The following NEO1 variants were observed in gnomAD, a reference collection of about 807,000 sequenced individuals.
NEO1 encodes the protein neogenin 1.
NEO1 carries 63 observed loss-of-function variants against 159.7 expected under a neutral mutation model. The observed-to-expected ratio is 0.39, with a 90% confidence interval of 0.32 to 0.49. NEO1 has a LOEUF of 0.49. Among genes scored for constraint, NEO1 ranks in the 20% least tolerant of loss-of-function variants. NEO1 has a pLI of 0.85. For synonymous variants in NEO1, 633 were observed against 662.0 expected (o/e 0.96, Z 0.67); for missense variants, 1,615 against 1,831.0 (o/e 0.88, Z 2.15).
intron 5 of NEO1, among the ~76,000 whole-genome samples, chr15:73,147,962 C>T (rs915712657): frequency 1.1e-4 from 16 of 152,002 alleles, no homozygotes; most frequent in East Asian, 3.9e-4. Context: ...TACAGGCACC[C>T]GCCATCATGC....
At chr15:73,179,490 C>A (rs2035476433) in intron 7 of NEO1, among the ~76,000 whole-genome samples, 1 of 152,144 alleles carries the variant, frequency 6.6e-6, no homozygotes, top group Admixed American at 6.5e-5. Flanking sequence ...ACAAAACCAC[C>A]CAGTGGATCA....
intron 5 of NEO1, among the ~76,000 whole-genome samples, chr15:73,140,067 T>C (rs763811585): frequency 3.3e-5 from 5 of 152,238 alleles, no homozygotes; most frequent in African/African-American, 4.8e-5. Context: ...TGGTTGTCGT[T>C]ATTAGTCTTC....
intron 5 of NEO1, among the ~76,000 whole-genome samples, chr15:73,157,613 C>A (rs1226414313): frequency 5.9e-5 from 9 of 152,224 alleles, no homozygotes; most frequent in Admixed American, 5.9e-4. Context: ...CACGGGTTAC[C>A]TGTTTTCCTT....
chr15:73,269,170 A>G (rs748590193), intron 16 of NEO1, among the ~76,000 whole-genome samples: 3 of 152,192 alleles, frequency 2.0e-5, no homozygotes, highest in Non-Finnish European at 4.4e-5. Context: ...GTCAATACCC[A>G]TGGCTGACAT....
chr15:73,137,669 G>T (rs1485747658), intron 5 of NEO1, among the ~76,000 whole-genome samples: 1 of 152,168 alleles, frequency 6.6e-6, no homozygotes, highest in Admixed American at 6.5e-5. Context: ...GTTAATTTTT[G>T]TATTTTTGGT....
At chr15:73,163,835 T>C (rs1348182674) in intron 5 of NEO1, among the ~76,000 whole-genome samples, 3 of 152,142 alleles carry the variant, frequency 2.0e-5, no homozygotes, top group Non-Finnish European at 2.9e-5. Flanking sequence ...CATGAAATCA[T>C]TGGGGTCCCT....
intron 27 of NEO1, among the ~76,000 whole-genome samples, 195 bp from the exon 28 acceptor site, chr15:73,301,126 A>C (rs1314680243): frequency 2.0e-5 from 3 of 152,146 alleles, no homozygotes; most frequent in African/African-American, 7.2e-5. Flanking sequence ...GAGACAGTGG[A>C]ATATTTTCTC....
Position 73,288,452 on chromosome 15 carries a change from A to C in NEO1, c.3550A>C (p.Ile1184Leu). The C allele has an allele frequency of 6.2e-7, 1 of 1,614,106 alleles. No individual in the cohort carries two copies. The highest frequency in any genetic ancestry group is 8.5e-7 in the Non-Finnish European group (1 of 1,180,006). ...PIDKSPDPNP[I>L]MTDTPIPRNS... The stretch of plus-strand genomic sequence containing the variant: ...TGATAAGTCTCCAGACCCAAACCCC[A>C]TCATGACTGATACTCCAATTCCTCG... Residue 1184 changes from isoleucine to leucine, a missense_variant, in exon 24 of 29, where the codon ATC (isoleucine) becomes CTC (leucine). Ile to Leu is a conservative substitution (Grantham distance 5). Transcript: ENST00000261908.
chr15:73,286,361 C>T (rs2041948492), intron 23 of NEO1, among the ~76,000 whole-genome samples: 1 of 152,198 alleles, frequency 6.6e-6, no homozygotes, highest in Non-Finnish European at 1.5e-5. Context: ...GAAACATTTT[C>T]TTCTTTTGTA....
chr15:73,111,490 C>A (rs994958757), intron 1 of NEO1, among the ~76,000 whole-genome samples: 3 of 152,080 alleles, frequency 2.0e-5, no homozygotes, highest in Admixed American at 2.0e-4. Flanking sequence ...CAACTGAAAT[C>A]CTTGAGATAA....
intron 7 of NEO1, among the ~76,000 whole-genome samples, chr15:73,230,429 T>C (rs2038843488): frequency 6.6e-6 from 1 of 152,202 alleles, no homozygotes; most frequent in South Asian, 2.1e-4. Context: ...GAGTAACTTG[T>C]GTCTTCTCTT....
chr15:73,287,318 A>G (rs2041984905), intron 23 of NEO1, among the ~76,000 whole-genome samples: 1 of 152,196 alleles, frequency 6.6e-6, no homozygotes, highest in Non-Finnish European at 1.5e-5. Context: ...GTTCAGCTTA[A>G]GTCCAACTGT....
chr15:73,244,972 AAAAAAAAAAAAC>A (rs1212360977), intron 9 of NEO1, among the ~76,000 whole-genome samples: 2 of 147,310 alleles, frequency 1.4e-5, no homozygotes, highest in African/African-American at 4.9e-5. Context: ...AAAAAAAAAA[AAAAAAAAAAAAC>A]AACAGCAAAT....
intron 1 of NEO1, among the ~76,000 whole-genome samples, chr15:73,054,730 T>G (rs971687672): frequency 1.8e-4 from 27 of 152,088 alleles, no homozygotes; most frequent in African/African-American, 6.0e-4. Context: ...TGTAAACCGC[T>G]CTGCTTCATT....
chr15:73,299,405 G>A lies in NEO1; in HGVS notation c.4165+794G>A, dbSNP rs553410857. Among the ~76,000 whole-genome samples the A allele has an allele frequency of 9.4e-5, 14 of 149,576 alleles. No homozygotes were observed. In the South Asian group the frequency reaches 3.0e-3, roughly 32 times the overall value. ...ATTTTCCTTTTTTTTTTTTTATTTG[G>A]GATGGAGTCTCGCTCTGTCACCCAG... On this transcript the variant is annotated intron_variant, in intron 27 of 28. Transcript: ENST00000261908.
chr15:73,056,963 C>T lies in NEO1; in HGVS notation c.130+4158C>T, dbSNP rs567169750. Among the ~76,000 whole-genome samples, 4 of 152,174 alleles carry T rather than the reference C, an allele frequency of 2.6e-5. No individual in the cohort carries two copies. The South Asian group carries it at 8.3e-4, about 32-fold the overall frequency. ...GAAGATAAGAAATATGACTGATTTT[C>T]ATAAACTGTATGAAAATTAATACAT... On this transcript the variant is annotated intron_variant, in intron 1 of 28. Coordinates refer to ENST00000261908, the MANE Select transcript of NEO1 (RefSeq NM_002499.4).
chr15:73,292,199 T>C (rs1271990938), intron 25 of NEO1, among the ~76,000 whole-genome samples: 1 of 152,174 alleles, frequency 6.6e-6, no homozygotes, highest in Non-Finnish European at 1.5e-5. Context: ...AAGGGATAGC[T>C]GGAAAGTAAA....
At position 73,298,642 on chromosome 15, in the gene NEO1, A is replaced by G. The variant is rs769527691; in HGVS notation, c.4165+31A>G. On this transcript the variant is annotated intron_variant, in intron 27 of 28. Coordinates refer to ENST00000261908, the MANE Select transcript of NEO1 (RefSeq NM_002499.4). ...TGAGGATGGCAGCACACCTGGAGGG[A>G]GCACACCTGGAGTGACCCTTTGGCT... 7 of 1,612,860 alleles carry G rather than the reference A, an allele frequency of 4.3e-6. No individual in the cohort carries two copies. In the South Asian group the frequency reaches 6.6e-5, roughly 15 times the overall value.
At chr15:73,158,169 C>T (rs1039331632) in intron 5 of NEO1, among the ~76,000 whole-genome samples, 4 of 145,552 alleles carry the variant, frequency 2.7e-5, no homozygotes, top group East Asian at 2.0e-4. Context: ...GAGCCGAGAT[C>T]GTCCTGCTGC....
Sources: allele counts gnomAD v4.1 joint callset (sites outside exome capture counted in the v4.1 genomes callset), GRCh38; gene constraint gnomAD v4.1.1; transcripts MANE v1.5; gene names NCBI Gene and HGNC (gene_info 2026-07-23, HGNC 2026-07-21).